SATB2: variants seen among roughly 807,000 people sequenced by gnomAD.
The protein encoded by SATB2 is SATB homeobox 2.
A neutral mutation model predicts 73.4 loss-of-function variants in SATB2; 1 was observed. That is an observed-to-expected ratio of 0.01 (90% confidence interval 0.00 to 0.06). The LOEUF (loss-of-function observed/expected upper bound fraction) is 0.06, where lower values mean the gene tolerates loss of function less well. Ranked by LOEUF, SATB2 falls within the 10% of genes least tolerant of loss-of-function variation. SATB2 has a pLI of 1.00. For missense variants in SATB2, 459 were observed against 945.8 expected (o/e 0.49, Z 6.75); for synonymous variants, 397 against 367.0 (o/e 1.08, Z -0.93).
At chr2:199,404,338 T>C (rs1690571331) in intron 3 of SATB2, among the ~76,000 whole-genome samples, 1 of 152,180 alleles carries the variant, frequency 6.6e-6, no homozygotes, top group African/African-American at 2.4e-5. Context: ...TGTTAACAGA[T>C]AGAAGAAAAA....
At chr2:199,448,862 A>G (rs955539670) in intron 2 of SATB2, among the ~76,000 whole-genome samples, 1 of 152,148 alleles carries the variant, frequency 6.6e-6, no homozygotes, top group African/African-American at 2.4e-5. Flanking sequence ...CTCCATTCCA[A>G]TGATACGGCT....
chr2:199,442,342 C>T (rs1348602106), intron 2 of SATB2, among the ~76,000 whole-genome samples: 2 of 152,166 alleles, frequency 1.3e-5, no homozygotes, highest in Admixed American at 6.5e-5. Flanking sequence ...GATCACAGCG[C>T]TGTGCGTGAC....
intron 10 of SATB2, among the ~76,000 whole-genome samples, chr2:199,298,763 G>T (rs1687195117): frequency 1.3e-5 from 2 of 152,156 alleles, no homozygotes; most frequent in Non-Finnish European, 2.9e-5. Context: ...CAAACAGAGT[G>T]AAATAATGAG....
At chr2:199,286,973 G>T (rs1317313852) in intron 10 of SATB2, among the ~76,000 whole-genome samples, 2 of 152,112 alleles carry the variant, frequency 1.3e-5, no homozygotes, top group Non-Finnish European at 2.9e-5. Flanking sequence ...GAAGATGAAA[G>T]GTTAGGATGA....
intron 10 of SATB2, among the ~76,000 whole-genome samples, chr2:199,302,871 C>A (rs1222776211): frequency 6.6e-6 from 1 of 152,122 alleles, no homozygotes; most frequent in Non-Finnish European, 1.5e-5. Context: ...CGATAAGAGG[C>A]ACATTCTGAA....
intron 3 of SATB2, among the ~76,000 whole-genome samples, chr2:199,388,934 T>A (rs1282215681): frequency 6.6e-6 from 1 of 152,206 alleles, no homozygotes; most frequent in African/African-American, 2.4e-5. Flanking sequence ...CTATAGCATA[T>A]AATTTTCTGT....
chr2:199,340,555 G>C (rs1038836966), intron 7 of SATB2, among the ~76,000 whole-genome samples: 7 of 152,150 alleles, frequency 4.6e-5, no homozygotes, highest in Non-Finnish European at 5.9e-5. Context: ...CACAAAATGA[G>C]CCTGAAACTT....
intron 3 of SATB2, among the ~76,000 whole-genome samples, chr2:199,383,367 C>T (rs1689833942): frequency 6.6e-6 from 1 of 152,210 alleles, no homozygotes; most frequent in Non-Finnish European, 1.5e-5. Context: ...CCAGGGCCCA[C>T]TGGACAGCCA....
At position 199,428,405 on chromosome 2, in the gene SATB2, CA is replaced by C. The variant is rs1207003001; in HGVS notation, c.346+4932del. On this transcript the variant is annotated intron_variant, in intron 3 of 10. Transcript: ENST00000417098. ...GCATGTATTTAGTAACCACCTAATC[CA>C]AAAAGTCCTACCTTTTAGGGCTTAT... Among the ~76,000 whole-genome samples the C allele has an allele frequency of 6.6e-5, 10 of 152,116 alleles. No individual in the cohort carries two copies. In the East Asian group the frequency reaches 1.9e-3, roughly 29 times the overall value.
intron 7 of SATB2, among the ~76,000 whole-genome samples, chr2:199,334,588 A>G (rs1370423346): frequency 2.0e-5 from 3 of 152,098 alleles, no homozygotes; most frequent in African/African-American, 7.2e-5. Context: ...TTCCTTCCAA[A>G]TAAGGTCCCT....
chr2:199,316,167 C>T (rs934797221), intron 9 of SATB2, among the ~76,000 whole-genome samples: 1 of 152,118 alleles, frequency 6.6e-6, no homozygotes, highest in Non-Finnish European at 1.5e-5. Context: ...GATTTCTCTT[C>T]AGATGGTTGA....
chr2:199,359,521 A>G (rs1031098590), intron 6 of SATB2, among the ~76,000 whole-genome samples: 10 of 152,176 alleles, frequency 6.6e-5, no homozygotes, highest in African/African-American at 2.4e-4. Flanking sequence ...CAATTGACAG[A>G]TCAGGTAGCA....
upstream of SATB2, among the ~76,000 whole-genome samples, chr2:199,465,467 G>C (rs1197725240): frequency 6.6e-6 from 1 of 152,168 alleles, no homozygotes; most frequent in Non-Finnish European, 1.5e-5. Flanking sequence ...GTTGTTTTCA[G>C]TAAAGACTTC....
intron 10 of SATB2, among the ~76,000 whole-genome samples, chr2:199,282,592 G>C (rs182865884): frequency 6.6e-6 from 1 of 152,294 alleles, no homozygotes; most frequent in East Asian, 1.9e-4. Context: ...TGTTAGGAGG[G>C]AAAGTGAGAT....
At chr2:199,465,509 G>A (rs1432663632), upstream of SATB2, among the ~76,000 whole-genome samples, 1 of 152,050 alleles carries the variant, frequency 6.6e-6, no homozygotes, top group Non-Finnish European at 1.5e-5. Context: ...TTTTGTTCTG[G>A]TTTTCCAATC....
At chr2:199,470,315 C>G (rs908040432) in intron 1 of SATB2, 1 of 152,356 alleles carries the variant, frequency 6.6e-6, no homozygotes, top group South Asian at 2.1e-4. Flanking sequence ...GAGCATCGGC[C>G]TTTCTTTACC....
chr2:199,349,182 A>G lies in SATB2; in HGVS notation c.701-9T>C, dbSNP rs1688741802. The G allele has an allele frequency of 1.3e-6, 2 of 1,582,854 alleles. No individual in the cohort carries two copies. The highest frequency in any genetic ancestry group is 2.7e-5 in the African/African-American group (2 of 74,266). On this transcript the variant is annotated splice_polypyrimidine_tract_variant and intron_variant, in intron 6 of 10. Coordinates refer to ENST00000417098, the MANE Select transcript of SATB2 (RefSeq NM_001172509.2). ...TCGTTCCACTCTTTCCACTGTTAAG[A>G]GATAAAAGTGATAATTAATCATTAT...
At chr2:199,280,198 AG>A (rs1692443363) in intron 10 of SATB2, among the ~76,000 whole-genome samples, 1 of 152,214 alleles carries the variant, frequency 6.6e-6, no homozygotes, top group Non-Finnish European at 1.5e-5. Context: ...TAAATTGTGA[AG>A]ATTGCATGGA....
intron 10 of SATB2, among the ~76,000 whole-genome samples, chr2:199,306,232 T>C (rs1011021631): frequency 2.6e-5 from 4 of 152,224 alleles, no homozygotes; most frequent in Non-Finnish European, 5.9e-5. Context: ...TTCTGCTGTC[T>C]AGTGTCAGTT....
Sources: allele counts gnomAD v4.1 joint callset (sites outside exome capture counted in the v4.1 genomes callset), GRCh38; gene constraint gnomAD v4.1.1; transcripts MANE v1.5; gene names NCBI Gene and HGNC (gene_info 2026-07-23, HGNC 2026-07-21).